NOC3L: variants seen among roughly 807,000 people sequenced by gnomAD.
The protein encoded by NOC3L is nucleolar complex protein 3 homolog.
In NOC3L, 85 loss-of-function variants were observed where a neutral mutation model predicts 102.5. The observed-to-expected ratio is 0.83, with a 90% CI of 0.70 to 0.99. The LOEUF (loss-of-function observed/expected upper bound fraction) is 0.99, where lower values mean the gene tolerates loss of function less well. Among genes scored for constraint, NOC3L ranks in the 50% least tolerant of loss-of-function variants. The pLI, the probability that NOC3L is intolerant of heterozygous loss-of-function variation, is 0.00. For missense variants in NOC3L, 878 were observed against 914.9 expected (o/e 0.96, Z 0.52); for synonymous variants, 303 against 309.4 (o/e 0.98, Z 0.22).
At chr10:94,357,039 G>T in intron 4 of NOC3L, 135 bp downstream of exon 4, 2 of 607,648 alleles carry the variant, frequency 3.3e-6, no homozygotes, top group Non-Finnish European at 5.2e-6. Flanking sequence ...AAATCATCAA[G>T]CTTGCTATAA....
the NOC3L span, among the ~76,000 whole-genome samples, chr10:94,320,787 A>G: frequency 6.6e-6 from 1 of 152,180 alleles, no homozygotes; most frequent in Admixed American, 6.5e-5. Flanking sequence ...CTGCTTGACA[A>G]TCACATTATA....
downstream of NOC3L, chr10:94,331,750 C>T (rs1203796710): frequency 6.6e-6 from 1 of 152,152 alleles, no homozygotes; most frequent in Non-Finnish European, 1.5e-5. Flanking sequence ...TCTCTGCCAT[C>T]CTTATGTAGC....
At chr10:94,320,415 T>A in the NOC3L span, among the ~76,000 whole-genome samples, 1 of 152,220 alleles carries the variant, frequency 6.6e-6, no homozygotes, top group African/African-American at 2.4e-5. Context: ...ATTAAATGAT[T>A]GGGGCAAGCT....
In NOC3L at chr10:94,342,515, C is replaced by T. The variant is rs542412828; in HGVS notation, c.1572-770G>A. ...TATCAAAATTTAAAATGAGCATACCCTTTGATCTGGCACTACATGCACACA... is the reference window on the plus strand; with the variant it reads ...TATCAAAATTTAAAATGAGCATACCTTTTGATCTGGCACTACATGCACACA... On this transcript the variant is annotated intron_variant, in intron 13 of 20. Transcript: ENST00000371361. Among the ~76,000 whole-genome samples the T allele has an allele frequency of 4.6e-5, 7 of 150,738 alleles. No individual in the cohort carries two copies. The East Asian group carries it at 1.2e-3, about 25-fold the overall frequency.
rs1162409867 is a variant in NOC3L, at chr10:94,361,866, T to C, written c.16A>G (p.Asn6Asp). Residue 6 changes from asparagine to aspartate, a missense_variant, in exon 2 of 21, where the codon AAT becomes GAT. Asn to Asp is a conservative substitution (Grantham distance 23). Transcript: ENST00000371361. The part of the protein sequence containing the change: MKARR[N>D]KKQIPSFRKL... Reference sequence around the variant, plus strand: ...CGAAAGCTTGGGATCTGTTTTTTATTTCTTCTCTAGAAAATAACAGAAAGA... The same window carrying C: ...CGAAAGCTTGGGATCTGTTTTTTATCTCTTCTCTAGAAAATAACAGAAAGA... 2 of 1,604,704 alleles carry C rather than the reference T, an allele frequency of 1.2e-6. No individual in the cohort carries two copies. Among genetic ancestry groups the C allele is most frequent in the South Asian group, 2.2e-5 (2 of 90,434 alleles).
chr10:94,328,136 T>G, the NOC3L span: 4 of 334,650 alleles, frequency 1.2e-5, no homozygotes, highest in South Asian at 1.1e-4. Context: ...CACCAACCAA[T>G]TTACTGATGA....
At chr10:94,343,301 T>C (rs1287757532) in intron 13 of NOC3L, among the ~76,000 whole-genome samples, 1 of 152,178 alleles carries the variant, frequency 6.6e-6, no homozygotes, top group African/African-American at 2.4e-5. Context: ...TCCTAGCACT[T>C]TGTGAGGCCA....
At chr10:94,339,621 C>G (rs1269082541) in intron 17 of NOC3L, 118 bp downstream of exon 17, 2 of 828,624 alleles carry the variant, frequency 2.4e-6, no homozygotes, top group Non-Finnish European at 3.6e-6. Flanking sequence ...GATTTTGTTA[C>G]AAGTGTGAAT....
the NOC3L span, among the ~76,000 whole-genome samples, chr10:94,315,670 G>A: frequency 6.6e-6 from 1 of 151,398 alleles, no homozygotes; most frequent in Non-Finnish European, 1.5e-5. Flanking sequence ...TCGGGAGGCT[G>A]AGGCATGAGA....
chr10:94,356,658 C>T (rs2054489256), intron 4 of NOC3L, 67 bp from the exon 5 acceptor site: 2 of 956,578 alleles, frequency 2.1e-6, no homozygotes, highest in South Asian at 1.3e-5. Context: ...TAAAGAAATG[C>T]TAGGAGGTGA....
At chr10:94,360,046 G>A (rs746093523) in intron 2 of NOC3L, among the ~76,000 whole-genome samples, 26 of 152,240 alleles carry the variant, frequency 1.7e-4, no homozygotes, top group South Asian at 1.0e-3. Context: ...GGCCAGGCGC[G>A]GTGGCTCACG....
chr10:94,318,788 C>T, the NOC3L span, among the ~76,000 whole-genome samples: 7 of 152,180 alleles, frequency 4.6e-5, no homozygotes, highest in East Asian at 1.9e-4. Flanking sequence ...AAGCTGGGCA[C>T]GGTGGCTCAC....
At chr10:94,352,526 G>T in intron 7 of NOC3L, 123 bp from the exon 8 acceptor site, 1 of 662,782 alleles carries the variant, frequency 1.5e-6, no homozygotes, top group Non-Finnish European at 2.6e-6. Context: ...AACAAAAAAC[G>T]CGGCAGTCGT....
chr10:94,358,799 C>T (rs1208714361), intron 2 of NOC3L, among the ~76,000 whole-genome samples: 1 of 152,198 alleles, frequency 6.6e-6, no homozygotes, highest in Non-Finnish European at 1.5e-5. Context: ...GACCACTCCA[C>T]TTTCTATCTA....
At chr10:94,325,311 GAA>G in the NOC3L span, 14 of 505,464 alleles carry the variant, frequency 2.8e-5, no homozygotes, top group East Asian at 4.5e-4. Context: ...AAGAAAAAGG[GAA>G]AGAGGCTGGG....
In NOC3L at chr10:94,337,886, A is replaced by G; in HGVS notation, c.2092-12T>C. 1.3e-6 allele frequency: 2 copies of G among 1,594,082 alleles called. No individual in the cohort carries two copies. Among genetic ancestry groups the G allele is most frequent in the Non-Finnish European group, 1.7e-6 (2 of 1,162,074 alleles). ...GGATGATAATGCCTCTGAAGGGAAA[A>G]CGGGACAATCACATTCTGCACAGGT... On this transcript the variant is annotated splice_polypyrimidine_tract_variant and intron_variant, in intron 18 of 20. Transcript: ENST00000371361.
At position 94,358,112 on chromosome 10, in the gene NOC3L, T is replaced by C. The variant is rs1174353522; in HGVS notation, c.321A>G (p.Val107=). Residue 107 remains valine, a synonymous_variant, in exon 3 of 21, where the codon GTA becomes GTG. Coordinates refer to ENST00000371361, the MANE Select transcript of NOC3L (RefSeq NM_022451.11). ...LQLMKDLGQR[V]SFLTRDLSSS... is the part of the protein sequence containing the mutation. Reference sequence around the variant, plus strand: ...AAGAAAGATCTCTTGTTAGAAAAGATACTCTTTGTCCTAAATCCTTCATTA... The same window carrying C: ...AAGAAAGATCTCTTGTTAGAAAAGACACTCTTTGTCCTAAATCCTTCATTA... The C allele has an allele frequency of 1.2e-6, 2 of 1,605,380 alleles. No homozygotes were observed. Among genetic ancestry groups the C allele is most frequent in the African/African-American group, 1.3e-5 (1 of 74,744 alleles).
chr10:94,328,794 T>C (rs564667716), downstream of NOC3L: 6 of 152,232 alleles, frequency 3.9e-5, no homozygotes, highest in Non-Finnish European at 5.9e-5. Flanking sequence ...TTTAAGGTTA[T>C]TGCCTATTCA....
At chr10:94,318,069 C>T in the NOC3L span, among the ~76,000 whole-genome samples, 1 of 152,268 alleles carries the variant, frequency 6.6e-6, no homozygotes, top group South Asian at 2.1e-4. Context: ...CCTAAAGCCT[C>T]TACAGAGCTC....
Sources: gnomAD v4.1 joint callset for allele counts (sites outside exome capture counted in the v4.1 genomes callset) on GRCh38, gnomAD v4.1.1 for gene constraint, MANE v1.5 for transcripts, NCBI Gene and HGNC (gene_info 2026-07-23, HGNC 2026-07-21) for gene names.